C2CD5: variants seen among roughly 807,000 people sequenced by gnomAD.
The protein encoded by C2CD5 is C2 calcium dependent domain containing 5, also known as C2 domain-containing protein 5.
A neutral mutation model predicts 130.3 loss-of-function variants in C2CD5; 109 were observed. The ratio of observed to expected loss-of-function variants is 0.84; its 90% CI spans 0.72 to 0.98. C2CD5 has a LOEUF of 0.98. Ranked by LOEUF, C2CD5 falls within the 50% of genes least tolerant of loss-of-function variation. The probability of loss-of-function intolerance (pLI) is 0.00; values close to 1 mark genes in which losing one functional copy is unlikely to be tolerated. For synonymous variants in C2CD5, 454 were observed against 429.2 expected (o/e 1.06, Z -0.71); for missense variants, 996 against 1,261.8 (o/e 0.79, Z 3.19).
chr12:22,455,263 C>A (rs1339923858), intron 25 of C2CD5, among the ~76,000 whole-genome samples: 2 of 151,736 alleles, frequency 1.3e-5, no homozygotes, highest in African/African-American at 4.8e-5. Flanking sequence ...TTTATTAAAT[C>A]AAAAAATTCT....
rs577520446 is a variant in C2CD5, at chr12:22,471,545, T to C, written c.2269-57A>G. On this transcript the variant is annotated intron_variant, in intron 19 of 26. Coordinates refer to ENST00000446597, the MANE Select transcript of C2CD5 (RefSeq NM_001286176.2). ...TTTTTATTTAAAAATTTTTAAAAGC[T>C]GATTTTTTTAATGTACATTATATTA... 3.3e-4 allele frequency: 338 copies of C among 1,014,374 alleles called. 6 individuals are homozygous for C. In the South Asian group the frequency reaches 5.7e-3, roughly 17 times the overall value. 62.8% of individuals were successfully genotyped at this position (1,014,374 alleles called of 1,614,324 possible). A position where few individuals can be genotyped will look rare whatever the true frequency, so the allele number is the denominator to read the frequency against.
At chr12:22,508,969 C>T (rs1020630442) in intron 9 of C2CD5, among the ~76,000 whole-genome samples, 15 of 151,576 alleles carry the variant, frequency 9.9e-5, no homozygotes, top group South Asian at 2.1e-4. Flanking sequence ...CTCCGCTTCC[C>T]GGGTTCACGC....
intron 15 of C2CD5, chr12:22,477,210 CACT>C (rs1265048293): frequency 5.9e-5 from 9 of 152,032 alleles, no homozygotes; most frequent in Non-Finnish European, 1.2e-4. Context: ...TCATATTTTA[CACT>C]ACTTTTTCAC....
At chr12:22,518,415 TA>T (rs1413868722) in intron 7 of C2CD5, among the ~76,000 whole-genome samples, 1 of 151,640 alleles carries the variant, frequency 6.6e-6, no homozygotes, top group Non-Finnish European at 1.5e-5. Context: ...AAAGGAGAAA[TA>T]AAAAGAATAT....
At chr12:22,469,844 T>A in intron 21 of C2CD5, 49 bp from the exon 22 acceptor site, 1 of 1,136,148 alleles carries the variant, frequency 8.8e-7, no homozygotes, top group South Asian at 1.6e-5. Context: ...CTATTATTAA[T>A]TTTTTAAAAT....
chr12:22,509,305 A>T (rs1406811948), intron 9 of C2CD5, among the ~76,000 whole-genome samples: 1 of 152,234 alleles, frequency 6.6e-6, no homozygotes. Flanking sequence ...ATTTTCATAT[A>T]AGATTTTACA....
chr12:22,533,220 G>T (rs1336801702), intron 3 of C2CD5, among the ~76,000 whole-genome samples: 3 of 152,150 alleles, frequency 2.0e-5, no homozygotes, highest in Non-Finnish European at 4.4e-5. Flanking sequence ...TCTGGTAATA[G>T]CTTTGGAGTC....
intron 26 of C2CD5, 76 bp downstream of exon 26, chr12:22,453,820 G>T: frequency 7.5e-7 from 1 of 1,329,238 alleles, no homozygotes; most frequent in Non-Finnish European, 1.1e-6. Flanking sequence ...TTCTCTTTTG[G>T]AGGGGGTTAG....
chr12:22,513,158 C>A, intron 9 of C2CD5, 136 bp downstream of exon 9: 1 of 539,128 alleles, frequency 1.9e-6, no homozygotes, highest in Non-Finnish European at 3.3e-6. Flanking sequence ...CACCTTAAAT[C>A]CATTTTGGAC....
chr12:22,467,420 T>A lies in C2CD5; in HGVS notation c.2533+2289A>T, dbSNP rs79944512. ...TCCCAAAGTGCTACGATTACAGATA[T>A]GAGTCACCGCGCCCAGCTGAACACA... On this transcript the variant is annotated intron_variant, in intron 22 of 26. Transcript: ENST00000446597. Among the ~76,000 whole-genome samples the A allele has an allele frequency of 3.9e-5, 6 of 152,284 alleles. No homozygotes were observed. The South Asian group carries it at 1.2e-3, about 32-fold the overall frequency.
intron 3 of C2CD5, among the ~76,000 whole-genome samples, chr12:22,533,218 T>C (rs1951484709): frequency 1.3e-5 from 2 of 152,148 alleles, no homozygotes; most frequent in African/African-American, 2.4e-5. Flanking sequence ...GGTCTGGTAA[T>C]AGCTTTGGAG....
intron 10 of C2CD5, among the ~76,000 whole-genome samples, chr12:22,501,069 T>C (rs1401178534): frequency 6.6e-6 from 1 of 152,208 alleles, no homozygotes; most frequent in East Asian, 1.9e-4. Flanking sequence ...TCTTCAGAAT[T>C]ATCAAGTTAT....
intron 7 of C2CD5, 27 bp downstream of exon 7, chr12:22,523,399 A>T (rs1418949928): frequency 6.4e-7 from 1 of 1,566,972 alleles, no homozygotes; most frequent in Non-Finnish European, 8.8e-7. Flanking sequence ...AATCTTAGCA[A>T]GAACAATTTC....
intron 7 of C2CD5, chr12:22,519,173 AG>A (rs945328828): frequency 2.0e-6 from 3 of 1,535,688 alleles, no homozygotes; most frequent in Non-Finnish European, 2.6e-6. Flanking sequence ...GTGAGCCAGT[AG>A]CAGTGTGAAT....
At chr12:22,539,520 C>T (rs1447926453) in intron 2 of C2CD5, among the ~76,000 whole-genome samples, 1 of 152,134 alleles carries the variant, frequency 6.6e-6, no homozygotes, top group Non-Finnish European at 1.5e-5. Context: ...GAACCAACTC[C>T]AACTCCTAAA....
At chr12:22,498,743 A>C (rs1192682633) in intron 10 of C2CD5, among the ~76,000 whole-genome samples, 1 of 152,174 alleles carries the variant, frequency 6.6e-6, no homozygotes, top group Non-Finnish European at 1.5e-5. Flanking sequence ...CCTTTTAAAA[A>C]TTTTCTCAAA....
At chr12:22,513,245 C>CA (rs1949383807) in intron 9 of C2CD5, 49 bp downstream of exon 9, 1 of 1,272,428 alleles carries the variant, frequency 7.9e-7, no homozygotes, top group Non-Finnish European at 1.1e-6. Flanking sequence ...CATAAGATAA[C>CA]AAAGTCATAT....
chr12:22,465,393 T>C (rs1159881621), intron 22 of C2CD5, among the ~76,000 whole-genome samples: 1 of 152,150 alleles, frequency 6.6e-6, no homozygotes, highest in African/African-American at 2.4e-5. Flanking sequence ...TTAGGTAATA[T>C]TTTTTAAGAA....
intron 6 of C2CD5, 53 bp from the exon 7 acceptor site, chr12:22,523,677 A>G (rs1156268938): frequency 1.3e-5 from 17 of 1,337,242 alleles, no homozygotes; most frequent in African/African-American, 5.8e-5. Context: ...ATTACATACT[A>G]TAAGACTGGA....
Sources: allele counts gnomAD v4.1 joint callset (sites outside exome capture counted in the v4.1 genomes callset), GRCh38; gene constraint gnomAD v4.1.1; transcripts MANE v1.5; gene names NCBI Gene and HGNC (gene_info 2026-07-23, HGNC 2026-07-21).